Variants in MYO15A observed in about 807,000 individuals in gnomAD.
The protein encoded by MYO15A is myosin XVA, also known as unconventional myosin-XV.
In MYO15A, 308 loss-of-function variants were observed where a neutral mutation model predicts 394.6. The observed-to-expected ratio is 0.78, with a 90% CI of 0.71 to 0.86. The LOEUF (loss-of-function observed/expected upper bound fraction) is 0.86, where lower values mean the gene tolerates loss of function less well. MYO15A is among the 40% of genes least tolerant of loss of function. The pLI is 0.00. For missense variants in MYO15A, 4,606 were observed against 4,799.1 expected (o/e 0.96, Z 1.19); for synonymous variants, 1,957 against 2,003.8 (o/e 0.98, Z 0.62).
At chr17:18,170,923 G>T (rs1216655644) in intron 62 of MYO15A, among the ~76,000 whole-genome samples, 1 of 152,194 alleles carries the variant, frequency 6.6e-6, no homozygotes, top group Non-Finnish European at 1.5e-5. Flanking sequence ...AACTGGGGAG[G>T]CTGGGTTCAG....
In MYO15A at chr17:18,143,604, G is replaced by A. The variant is rs969423859; in HGVS notation, c.5949G>A (p.Leu1983=). Reference sequence around the variant, plus strand: ...GGAGGTGCCAGGTGGAGGGGGCGCTGCTGTGGGAGCAGGAGGTGGGTGTGG... The same window carrying A: ...GGAGGTGCCAGGTGGAGGGGGCGCTACTGTGGGAGCAGGAGGTGGGTGTGG... ...AEWRCQVEGA[L]LWEQEELSKR... Residue 1983 remains leucine, a synonymous_variant, in exon 26 of 66, where the codon CTG becomes CTA. Transcript: ENST00000647165. 1.3e-5 allele frequency: 20 copies of A among 1,566,606 alleles called. No individual in the cohort carries two copies. Among genetic ancestry groups the A allele is most frequent in the Admixed American group, 1.9e-5 (1 of 52,728 alleles).
rs767692090 is a variant in MYO15A, at chr17:18,119,436, C to T, written c.636C>T (p.Ala212=). 1.2e-6 allele frequency: 2 copies of T among 1,612,516 alleles called. No individual in the cohort carries two copies. The highest frequency in any genetic ancestry group is 1.7e-6 in the Non-Finnish European group (2 of 1,179,972). ...GCTTCCTGCCCTTCGAGGACGAGGC[C>T]CCATTCCATCACTCGGGCTCCCGCA... is the stretch of plus-strand genomic sequence containing the variant. ...PLGFLPFEDE[A]PFHHSGSRKS... Residue 212 remains alanine (A), a synonymous_variant, in exon 2 of 66, where the codon GCC becomes GCT. Coordinates refer to ENST00000647165, the MANE Select transcript of MYO15A (RefSeq NM_016239.4).
At position 18,121,215 on chromosome 17, in the gene MYO15A, C is replaced by CT; in HGVS notation, c.2417dup (p.Gln807ProfsTer173). 2 of 1,496,138 alleles carry CT rather than the reference C, an allele frequency of 1.3e-6. No individual in the cohort carries two copies. The highest frequency in any genetic ancestry group is 1.8e-6 in the Non-Finnish European group (2 of 1,128,966). The allele number at this position is 1,496,138 out of a possible 1,614,324, so 92.7% of individuals were successfully genotyped here. A position where few individuals can be genotyped will look rare whatever the true frequency, so the allele number is the denominator to read the frequency against. On this transcript the variant is annotated frameshift_variant, in exon 2 of 66. Coordinates refer to ENST00000647165, the MANE Select transcript of MYO15A (RefSeq NM_016239.4). LOFTEE classifies it high-confidence loss of function. The surrounding 1 kb of genome is among the most constrained non-coding windows in gnomAD (Gnocchi z 5.3). ...CTCAGCTGTCCTTGCGCACGGGCCCCTTCCAGCCGCCCTTCCTGCCCCCGG... is the reference window on the plus strand; with the variant it reads ...CTCAGCTGTCCTTGCGCACGGGCCCCTTTCCAGCCGCCCTTCCTGCCCCCGG...
chr17:18,131,265 G>T lies in MYO15A; in HGVS notation c.4065G>T (p.Glu1355Asp). The T allele has an allele frequency of 6.2e-7, 1 of 1,614,064 alleles. No homozygotes were observed. The highest frequency in any genetic ancestry group is 1.1e-5 in the South Asian group (1 of 91,086). Residue 1355 changes from glutamate (E) to aspartate (D), a missense_variant, in exon 9 of 66, where the codon GAG becomes GAT. Transcript: ENST00000647165. ...IKILEATPLL[E>D]SFGNAKTVRN... Reference sequence around the variant, plus strand: ...TCCTGGAGGCAACACCCCTCTTGGAGTCCTTCGGTAATGCCAAAACCGTCA... The same window carrying T: ...TCCTGGAGGCAACACCCCTCTTGGATTCCTTCGGTAATGCCAAAACCGTCA...
Position 18,139,603 on chromosome 17 carries a change from C to G in MYO15A, c.5203C>G (p.Arg1735Gly). Residue 1735 changes from arginine to glycine, a missense_variant, in exon 19 of 66, where the codon CGG becomes GGG. Coordinates refer to ENST00000647165, the MANE Select transcript of MYO15A (RefSeq NM_016239.4). ...TGTGCTGGACCTGTTCGTACGGAGC[C>G]GGACACGGGTAAGCCTCGCCTCCCA... ...QDVLDLFVRSRTRVVAHLFSS... is the reference protein window; with the variant it reads ...QDVLDLFVRSGTRVVAHLFSS... The G allele has an allele frequency of 8.1e-6, 13 of 1,613,990 alleles. No individual in the cohort carries two copies. Among genetic ancestry groups the G allele is most frequent in the Middle Eastern group, 1.7e-4 (1 of 6,060 alleles).
In MYO15A at chr17:18,141,082, A is replaced by G. The variant is rs1315520536; in HGVS notation, c.5470A>G (p.Thr1824Ala). Residue 1824 changes from threonine (T) to alanine (A), a missense_variant, in exon 22 of 66, where the codon ACC (threonine) becomes GCC (alanine). Thr to Ala is a moderately conservative substitution (Grantham distance 58). This residue lies in a region of MYO15A where 2,776 missense variants were observed against 3,109.3 expected (regional missense o/e 0.89). Coordinates refer to ENST00000647165, the MANE Select transcript of MYO15A (RefSeq NM_016239.4). Reference sequence around the variant, plus strand: ...ATTACGCTATTCAGGGGTGCTGGAGACCGTGAGGATCCGCAAGGAGGGATT... The same window carrying G: ...ATTACGCTATTCAGGGGTGCTGGAGGCCGTGAGGATCCGCAAGGAGGGATT... Reference protein sequence around the residue: ...AQLRYSGVLETVRIRKEGFPV... With the variant: ...AQLRYSGVLEAVRIRKEGFPV... The G allele has an allele frequency of 6.2e-7, 1 of 1,613,844 alleles. No individual in the cohort carries two copies. Among genetic ancestry groups the G allele is most frequent in the Non-Finnish European group, 8.5e-7 (1 of 1,180,034 alleles).
chr17:18,118,525 A>C, intron 1 of MYO15A, 57 bp from the exon 2 acceptor site: 2 of 515,754 alleles, frequency 3.9e-6, no homozygotes. Context: ...CAGGCCTCAT[A>C]GGCAGGCTTC....
At chr17:18,151,012 C>T in intron 38 of MYO15A, 98 bp from the exon 39 acceptor site, 2 of 1,606,156 alleles carry the variant, frequency 1.2e-6, no homozygotes. Context: ...CTCTTTGAGC[C>T]CAGGAGCTCC....
Position 18,151,264 on chromosome 17 carries a change from C to A in MYO15A, c.7628C>A (p.Ala2543Asp). 1 of 1,614,196 alleles carries A rather than the reference C, an allele frequency of 6.2e-7. No individual in the cohort carries two copies. The highest frequency in any genetic ancestry group is 8.5e-7 in the Non-Finnish European group (1 of 1,180,032). Residue 2543 changes from alanine (A) to aspartate (D), a missense_variant, in exon 39 of 66, where the codon GCT (alanine) becomes GAT (aspartate). Around this residue, in one of 2 missense-constraint regions of MYO15A, gnomAD observed 2,776 missense variants for 3,109.3 expected, o/e 0.89. Transcript: ENST00000647165. ...PIKPVAAPVL[A>D]QDQASPETTS... is the part of the protein sequence containing the mutation. ...AAGCCTGTGGCTGCCCCTGTTCTAGCTCAGGATCAGGCTTCTCCAGAAACC... is the reference window on the plus strand; with the variant it reads ...AAGCCTGTGGCTGCCCCTGTTCTAGATCAGGATCAGGCTTCTCCAGAAACC...
intron 60 of MYO15A, 86 bp from the exon 61 acceptor site, chr17:18,166,275 T>C: frequency 6.5e-7 from 1 of 1,548,424 alleles, no homozygotes; most frequent in Non-Finnish European, 8.8e-7. Flanking sequence ...GGTAGCAGAT[T>C]GGGGTCTGCA....
chr17:18,141,150 T>G lies in MYO15A; in HGVS notation c.5531+7T>G. On this transcript the variant is annotated splice_region_variant and intron_variant, in intron 22 of 65. Coordinates refer to ENST00000647165, the MANE Select transcript of MYO15A (RefSeq NM_016239.4). ...TCCAGGGGTTCATCGACAGGTATCT[T>G]GGTTACGGTAGTTCCTGAGCTCTAC... is the stretch of plus-strand genomic sequence containing the variant. 1 of 1,613,472 alleles carries G rather than the reference T, an allele frequency of 6.2e-7. No homozygotes were observed. Among genetic ancestry groups the G allele is most frequent in the Non-Finnish European group, 8.5e-7 (1 of 1,180,006 alleles).
Position 18,122,186 on chromosome 17 carries a change from G to A in MYO15A, c.3386G>A (p.Arg1129Gln), listed in dbSNP as rs1463824476. The change falls in exon 2 of 66, where the codon CGA becomes CAA. Residue 1129 changes from arginine (R) to glutamine (Q), a missense_variant. Arg to Gln is a conservative substitution (Grantham distance 43). Transcript: ENST00000647165. Reference sequence around the variant, plus strand: ...GTGCAGAAGCTGAGCTCTTTCCAGCGAGTTGGGCCTGCAACCCTGAAGCCT... The same window carrying A: ...GTGCAGAAGCTGAGCTCTTTCCAGCAAGTTGGGCCTGCAACCCTGAAGCCT... ...PRVQKLSSFQ[R>Q]VGPATLKPQV... 5.0e-6 allele frequency: 8 copies of A among 1,613,040 alleles called. No individual in the cohort carries two copies. The highest frequency in any genetic ancestry group is 2.2e-5 in the East Asian group (1 of 44,894).
chr17:18,134,246 C>T (rs1417929784), intron 12 of MYO15A, among the ~76,000 whole-genome samples: 1 of 152,176 alleles, frequency 6.6e-6, no homozygotes, highest in African/African-American at 2.4e-5. Context: ...CCTCGGCCTC[C>T]CAAAGTGCTG....
chr17:18,145,016 G>A (rs2046451631), intron 29 of MYO15A, among the ~76,000 whole-genome samples: 1 of 152,134 alleles, frequency 6.6e-6, no homozygotes, highest in Admixed American at 6.5e-5. Context: ...TGGAGGAGAA[G>A]GCATTTGAGC....
chr17:18,155,111 C>A lies in MYO15A; in HGVS notation c.8226C>A (p.Ala2742=). ...DERLRMKALF[A]QNQLDTQKPL... is the part of the protein sequence containing the mutation. ...CTGACCAGACCTGGCCTCCCATAGC[C>A]CAGAACCAGCTGGACACACAGAAGC... The change falls in exon 46 of 66, where the codon GCC becomes GCA. Residue 2742 remains alanine, a splice_region_variant and synonymous_variant. Coordinates refer to ENST00000647165, the MANE Select transcript of MYO15A (RefSeq NM_016239.4). The A allele has an allele frequency of 6.2e-7, 1 of 1,613,012 alleles. No individual in the cohort carries two copies.
chr17:18,146,793 C>T (rs1567649045), intron 30 of MYO15A, among the ~76,000 whole-genome samples: 1 of 152,164 alleles, frequency 6.6e-6, no homozygotes, highest in Non-Finnish European at 1.5e-5. Flanking sequence ...GGCATAGTGG[C>T]ACACGCATGT....
In MYO15A at chr17:18,143,462, CCTTG is replaced by C. The variant is rs1224182467; in HGVS notation, c.5911-99_5911-96del. 3.0e-6 allele frequency: 4 copies of C among 1,321,222 alleles called. No individual in the cohort carries two copies. The African/African-American group carries it at 4.4e-5, about 15-fold the overall frequency. The allele number at this position is 1,321,222 out of a possible 1,614,324, so 81.8% of individuals were successfully genotyped here. On this transcript the variant is annotated intron_variant, in intron 25 of 65. Transcript: ENST00000647165. ...CTCCACACAACAGGCAAGCTGCCCC[CCTTG>C]CTTGAGTGTGGCCGCCTTGCGTAAG...
rs1213792739 is a variant in MYO15A at position 18,122,037 on chromosome 17, C to T, written c.3237C>T (p.His1079=). 7 of 1,613,054 alleles carry T rather than the reference C, an allele frequency of 4.3e-6. No individual in the cohort carries two copies. Among genetic ancestry groups the T allele is most frequent in the Admixed American group, 1.7e-5 (1 of 60,036 alleles). Reference sequence around the variant, plus strand: ...CCAGGGCCACATGGCCACCATGGCACCGCTGGGGAACACTGCCCCAAGCCG... The same window carrying T: ...CCAGGGCCACATGGCCACCATGGCATCGCTGGGGAACACTGCCCCAAGCCG... ...DQTRATWPPW[H]RWGTLPQAAA... The change falls in exon 2 of 66, where the codon CAC becomes CAT. Residue 1079 remains histidine (H), a synonymous_variant. Transcript: ENST00000647165.
At chr17:18,125,338 C>A in intron 4 of MYO15A, 107 bp downstream of exon 4, 1 of 1,103,382 alleles carries the variant, frequency 9.1e-7, no homozygotes, top group Non-Finnish European at 1.4e-6. Flanking sequence ...GCCCCTGTGG[C>A]CTCTGCCTAG....
Sources: gnomAD v4.1 joint callset for allele counts (sites outside exome capture counted in the v4.1 genomes callset) on GRCh38, gnomAD v4.1.1 for gene constraint, gnomAD v4.1.1 regional missense constraint, Gnocchi (gnomAD v3.1) non-coding constraint, MANE v1.5 for transcripts, NCBI Gene and HGNC (gene_info 2026-07-23, HGNC 2026-07-21) for gene names.